Variants in BICD1 observed in about 807,000 individuals in gnomAD.
The protein encoded by BICD1 is BICD cargo adaptor 1.
A neutral mutation model predicts 92.5 loss-of-function variants in BICD1; 35 were observed. The observed-to-expected ratio is 0.38, with a 90% confidence interval of 0.29 to 0.50. BICD1 has a LOEUF of 0.50. BICD1 is among the 20% of genes least tolerant of loss of function. The pLI is 0.93. For missense variants in BICD1, 950 were observed against 1,189.8 expected (o/e 0.80, Z 2.97); for synonymous variants, 429 against 465.1 (o/e 0.92, Z 1.00).
intron 1 of BICD1, among the ~76,000 whole-genome samples, chr12:32,140,886 A>G (rs1942900320): frequency 6.6e-6 from 1 of 152,206 alleles, no homozygotes; most frequent in Non-Finnish European, 1.5e-5. Context: ...CACCAGAGGA[A>G]ATGCGGCGAC....
chr12:32,297,664 G>A (rs1316222128), intron 3 of BICD1, among the ~76,000 whole-genome samples: 2 of 152,114 alleles, frequency 1.3e-5, no homozygotes, highest in Admixed American at 1.3e-4. Flanking sequence ...TCTCTAAACA[G>A]CAAAGCTACT....
chr12:32,287,644 C>T (rs183306315), intron 2 of BICD1, among the ~76,000 whole-genome samples: 12 of 151,672 alleles, frequency 7.9e-5, no homozygotes, highest in African/African-American at 2.7e-4. Flanking sequence ...TCACGCCATT[C>T]TCCTGCCTCA....
At chr12:32,164,663 A>C (rs150458243) in intron 1 of BICD1, among the ~76,000 whole-genome samples, 1 of 152,280 alleles carries the variant, frequency 6.6e-6, no homozygotes, top group East Asian at 1.9e-4. Flanking sequence ...TCTTTTCCTT[A>C]GTTGTGAGGG....
intron 1 of BICD1, among the ~76,000 whole-genome samples, chr12:32,212,274 G>GT (rs1189035000): frequency 6.6e-6 from 1 of 152,060 alleles, no homozygotes; most frequent in Non-Finnish European, 1.5e-5. Flanking sequence ...GTACCAGCTT[G>GT]TTTTTTATAA....
chr12:32,333,242 A>G, intron 5 of BICD1: 4 of 985,274 alleles, frequency 4.1e-6, no homozygotes, highest in Non-Finnish European at 4.8e-6. Flanking sequence ...CCCCAGGTCA[A>G]TTTCTGCCTT....
At chr12:32,329,932 T>C (rs894739486) in intron 5 of BICD1, among the ~76,000 whole-genome samples, 2 of 151,796 alleles carry the variant, frequency 1.3e-5, no homozygotes, top group East Asian at 1.9e-4. Context: ...GCTGAATAAA[T>C]GTTGGTGTTG....
At chr12:32,134,821 T>C (rs1232453519) in intron 1 of BICD1, among the ~76,000 whole-genome samples, 2 of 152,224 alleles carry the variant, frequency 1.3e-5, no homozygotes, top group African/African-American at 4.8e-5. Flanking sequence ...ACCTTTGGTC[T>C]ACAGCAGATA....
chr12:32,299,796 A>G (rs1013116482), intron 3 of BICD1, among the ~76,000 whole-genome samples: 1 of 152,218 alleles, frequency 6.6e-6, no homozygotes. Context: ...TGGGTGACAT[A>G]GCAAGAGATC....
Position 32,216,442 on chromosome 12 carries a change from G to A in BICD1, c.409G>A (p.Val137Met), listed in dbSNP as rs200613741. The change falls in exon 2 of 10, where the codon GTG becomes ATG. Residue 137 changes from valine to methionine, a missense_variant. By Grantham distance (21) the Val-to-Met change is conservative (BLOSUM62 1). Around this residue, in one of 5 missense-constraint regions of BICD1, gnomAD observed 202 missense variants for 205.3 expected, o/e 0.98. Coordinates refer to ENST00000652176, the MANE Select transcript of BICD1 (RefSeq NM_001714.4). The part of the protein sequence containing the change: ...QAENERLTAV[V>M]QDLKENNEMV... ...AGAAAACGAGAGGCTCACCGCAGTCGTGCAGGATCTGAAGGAGGTAAATAA... is the reference window on the plus strand; with the variant it reads ...AGAAAACGAGAGGCTCACCGCAGTCATGCAGGATCTGAAGGAGGTAAATAA... 1.4e-5 allele frequency: 23 copies of A among 1,613,978 alleles called. No homozygotes were observed. The highest frequency in any genetic ancestry group is 5.0e-5 in the Admixed American group (3 of 59,994).
In BICD1 at chr12:32,119,893, T is replaced by C. The variant is rs1419992606; in HGVS notation, c.213+12349T>C. Among the ~76,000 whole-genome samples the C allele has an allele frequency of 2.5e-5, 3 of 121,276 alleles. No homozygotes were observed. In the South Asian group the frequency reaches 8.3e-4, roughly 34 times the overall value. 79.6% of individuals were successfully genotyped at this position (121,276 alleles called of 152,430 possible). A position where few individuals can be genotyped will look rare whatever the true frequency, so the allele number is the denominator to read the frequency against. ...CTCAAAACAAAACAAAACAAAAAAC[T>C]GGGAAGTTATGAGCTAATACATAAA... On this transcript the variant is annotated intron_variant, in intron 1 of 9. Transcript: ENST00000652176.
At chr12:32,288,352 C>T (rs1947635715) in intron 2 of BICD1, among the ~76,000 whole-genome samples, 1 of 151,718 alleles carries the variant, frequency 6.6e-6, no homozygotes, top group African/African-American at 2.4e-5. Context: ...CCACTTCAGC[C>T]CCCTGACTAG....
intron 4 of BICD1, among the ~76,000 whole-genome samples, chr12:32,315,090 T>A (rs908875463): frequency 6.6e-6 from 1 of 152,234 alleles, no homozygotes; most frequent in African/African-American, 2.4e-5. Flanking sequence ...AGTTTATCTC[T>A]TACATTTAGG....
rs529885153 is a variant in BICD1, at chr12:32,130,919, C to T, written c.213+23375C>T. Among the ~76,000 whole-genome samples, 5 of 152,174 alleles carry T rather than the reference C, an allele frequency of 3.3e-5. No homozygotes were observed. The South Asian group carries it at 1.0e-3, about 32-fold the overall frequency. ...GTGGTGTGATCTCAGCTCACTGCAA[C>T]CTCTGCCTTTCGGGTTCAAGCAATT... On this transcript the variant is annotated intron_variant, in intron 1 of 9. Transcript: ENST00000652176.
chr12:32,317,296 T>G (rs1268581866), intron 4 of BICD1, among the ~76,000 whole-genome samples: 3 of 152,226 alleles, frequency 2.0e-5, no homozygotes, highest in African/African-American at 4.8e-5. Flanking sequence ...ACTTCCACAA[T>G]GGTCGAACTA....
intron 1 of BICD1, among the ~76,000 whole-genome samples, chr12:32,123,943 A>ATGACCACTTGTTTTAAAAG (rs1942242120): frequency 6.6e-6 from 1 of 152,166 alleles, no homozygotes; most frequent in African/African-American, 2.4e-5. Context: ...TGTTTTAAAA[A>ATGACCACTTGTTTTAAAAG]TAACCACTTG....
chr12:32,359,533 A>AATCCATTAATCCATGAATGGATTT (rs1385548274), intron 8 of BICD1, among the ~76,000 whole-genome samples: 5 of 151,690 alleles, frequency 3.3e-5, no homozygotes, highest in African/African-American at 9.7e-5. Context: ...TTAACCCATG[A>AATCCATTAATCCATGAATGGATTT]ATCCATTAAT....
At chr12:32,318,949 T>A (rs866346662) in intron 4 of BICD1, among the ~76,000 whole-genome samples, 8 of 152,244 alleles carry the variant, frequency 5.3e-5, no homozygotes, top group Middle Eastern at 6.3e-3. Context: ...ACTGCTAGTA[T>A]ATAGAAATAC....
intron 1 of BICD1, among the ~76,000 whole-genome samples, chr12:32,185,187 T>A (rs1944395191): frequency 6.6e-6 from 1 of 152,160 alleles, no homozygotes; most frequent in African/African-American, 2.4e-5. Flanking sequence ...AAAGGAAAGG[T>A]TGTACCTAAT....
chr12:32,145,082 C>T (rs1283689288), intron 1 of BICD1, among the ~76,000 whole-genome samples: 2 of 152,194 alleles, frequency 1.3e-5, no homozygotes, highest in Admixed American at 1.3e-4. Context: ...ATGTTTTAAT[C>T]AGCACCCCTG....
Sources: allele counts gnomAD v4.1 joint callset (sites outside exome capture counted in the v4.1 genomes callset), GRCh38; gene constraint gnomAD v4.1.1; regional missense constraint gnomAD v4.1.1; transcripts MANE v1.5; gene names NCBI Gene and HGNC (gene_info 2026-07-23, HGNC 2026-07-21).